CACNB2: variants seen among roughly 807,000 people sequenced by gnomAD.
CACNB2 encodes the protein voltage-dependent L-type calcium channel subunit beta-2.
In CACNB2, 42 loss-of-function variants were observed where a neutral mutation model predicts 73.3. That is an observed-to-expected ratio of 0.57 (90% CI 0.45 to 0.74). The LOEUF (loss-of-function observed/expected upper bound fraction) is 0.74, where lower values mean the gene tolerates loss of function less well. Among genes scored for constraint, CACNB2 ranks in the 30% least tolerant of loss-of-function variants. The pLI, the probability that CACNB2 is intolerant of heterozygous loss-of-function variation, is 0.00. For missense variants in CACNB2, 940 were observed against 853.0 expected (o/e 1.10, Z -1.27); for synonymous variants, 348 against 310.3 (o/e 1.12, Z -1.28).
chr10:18,414,904 A>G (rs988088344), intron 3 of CACNB2, among the ~76,000 whole-genome samples: 1 of 152,150 alleles, frequency 6.6e-6, no homozygotes, highest in Non-Finnish European at 1.5e-5. Flanking sequence ...GAAGACTTTT[A>G]CGCAGAGCTT....
At chr10:18,267,202 T>G (rs981384788) in intron 2 of CACNB2, among the ~76,000 whole-genome samples, 2 of 152,210 alleles carry the variant, frequency 1.3e-5, no homozygotes, top group Non-Finnish European at 2.9e-5. Context: ...TGCATTTTTT[T>G]TTTATTAATA....
rs770103856 is a variant in CACNB2 at position 18,518,326 on chromosome 10, C to G, written c.805-10C>G. On this transcript the variant is annotated splice_polypyrimidine_tract_variant and intron_variant, in intron 7 of 13. Transcript: ENST00000324631. Reference sequence around the variant, plus strand: ...TGTGAAACGTCTAAAAGCCTCTCCTCTCTCTGCAGACAGAGCACACTCCTC... The same window carrying G: ...TGTGAAACGTCTAAAAGCCTCTCCTGTCTCTGCAGACAGAGCACACTCCTC... 6.2e-6 allele frequency: 10 copies of G among 1,601,888 alleles called. No individual in the cohort carries two copies. The East Asian group carries it at 1.3e-4, about 21-fold the overall frequency.
chr10:18,532,676 C>CAAAAAAAAAAAAAAAAAAAA (rs1219587375), intron 10 of CACNB2, among the ~76,000 whole-genome samples: 5 of 92,564 alleles, frequency 5.4e-5, no homozygotes, highest in Admixed American at 1.3e-4. Context: ...GACTCTGTCT[C>CAAAAAAAAAAAAAAAAAAAA]AAAAAAAAAA....
chr10:18,246,768 T>A (rs1406572065), intron 2 of CACNB2, among the ~76,000 whole-genome samples: 1 of 152,052 alleles, frequency 6.6e-6, no homozygotes. Context: ...TTTTTAGTTT[T>A]GTTTTTTGTT....
chr10:18,372,062 C>A (rs2132298802), intron 2 of CACNB2, among the ~76,000 whole-genome samples: 1 of 152,130 alleles, frequency 6.6e-6, no homozygotes, highest in Admixed American at 6.5e-5. Context: ...TTGTTTTTTT[C>A]TTGTAAATTT....
chr10:18,397,866 A>C (rs534885709), intron 2 of CACNB2, among the ~76,000 whole-genome samples: 1 of 152,348 alleles, frequency 6.6e-6, no homozygotes, highest in Admixed American at 6.5e-5. Flanking sequence ...TCCTGGGAGG[A>C]ACTATTAGTA....
intron 2 of CACNB2, among the ~76,000 whole-genome samples, chr10:18,224,791 C>T (rs566128282): frequency 6.6e-6 from 1 of 152,178 alleles, no homozygotes; most frequent in African/African-American, 2.4e-5. Context: ...CCTGCCGAGC[C>T]AAATCGAAGT....
At chr10:18,384,005 C>T (rs968942681) in intron 2 of CACNB2, among the ~76,000 whole-genome samples, 19 of 152,312 alleles carry the variant, frequency 1.2e-4, no homozygotes, top group African/African-American at 4.1e-4. Flanking sequence ...CACGCCCAGC[C>T]ATAGAATGCT....
At chr10:18,493,733 A>G (rs2049604909) in intron 3 of CACNB2, among the ~76,000 whole-genome samples, 1 of 152,112 alleles carries the variant, frequency 6.6e-6, no homozygotes, top group East Asian at 1.9e-4. Context: ...GGTCCACTTA[A>G]AATCCCTTGT....
chr10:18,204,976 G>GAA lies in CACNB2; in HGVS notation c.213+54017_213+54018dup, dbSNP rs80197923. 2.2e-3 allele frequency among the ~76,000 whole-genome samples: 278 copies of GAA among 126,076 alleles called. 3 individuals are homozygous for GAA. Among genetic ancestry groups the GAA allele is most frequent in the South Asian group, 0.013 (50 of 3,978 alleles). 82.7% of individuals were successfully genotyped at this position (126,076 alleles called of 152,430 possible). On this transcript the variant is annotated intron_variant, in intron 2 of 13. Transcript: ENST00000324631. ...TTGCTGGATTCCTTAAACTTTACCA[G>GAA]AAAAAAAAAAAAAAAAAGGTCTGGC...
At chr10:18,442,286 ATTACAG>A (rs922967290) in intron 3 of CACNB2, among the ~76,000 whole-genome samples, 3 of 151,986 alleles carry the variant, frequency 2.0e-5, no homozygotes, top group Admixed American at 6.5e-5. Context: ...GGTACCTGGG[ATTACAG>A]GTGCCTGCAA....
chr10:18,249,319 A>T (rs749955278), intron 2 of CACNB2, among the ~76,000 whole-genome samples: 3 of 152,162 alleles, frequency 2.0e-5, no homozygotes, highest in Admixed American at 6.5e-5. Flanking sequence ...CTTTGCTCCT[A>T]CAATTATCTG....
intron 2 of CACNB2, among the ~76,000 whole-genome samples, chr10:18,251,032 T>A (rs1400268288): frequency 6.6e-6 from 1 of 152,232 alleles, no homozygotes; most frequent in East Asian, 1.9e-4. Flanking sequence ...TATGCATCTG[T>A]GTTGAGTAGT....
chr10:18,316,142 T>A (rs1223555262), intron 2 of CACNB2, among the ~76,000 whole-genome samples: 1 of 151,920 alleles, frequency 6.6e-6, no homozygotes, highest in African/African-American at 2.4e-5. Context: ...GTGTGTGTAA[T>A]TTACATTTAC....
At chr10:18,434,456 A>C (rs1356970964) in intron 3 of CACNB2, among the ~76,000 whole-genome samples, 1 of 152,248 alleles carries the variant, frequency 6.6e-6, no homozygotes, top group Non-Finnish European at 1.5e-5. Flanking sequence ...TGATAATTGC[A>C]GCTACCTAAG....
chr10:18,235,645 T>C (rs2036412594), intron 2 of CACNB2, among the ~76,000 whole-genome samples: 2 of 152,326 alleles, frequency 1.3e-5, no homozygotes, highest in Admixed American at 6.5e-5. Context: ...CTGCTGCTGC[T>C]CTCTGTCTGC....
intron 3 of CACNB2, among the ~76,000 whole-genome samples, chr10:18,476,861 A>G (rs2048466310): frequency 6.6e-6 from 1 of 152,142 alleles, no homozygotes; most frequent in South Asian, 2.1e-4. Context: ...AAAAATATTT[A>G]TTTAAAAAAC....
chr10:18,311,280 G>A (rs2039954307), intron 2 of CACNB2, among the ~76,000 whole-genome samples: 1 of 152,166 alleles, frequency 6.6e-6, no homozygotes, highest in Non-Finnish European at 1.5e-5. Flanking sequence ...ATTATAGGCA[G>A]GTGGCATGGG....
At chr10:18,324,740 C>T (rs1489361237) in intron 2 of CACNB2, among the ~76,000 whole-genome samples, 4 of 152,150 alleles carry the variant, frequency 2.6e-5, no homozygotes, top group Non-Finnish European at 4.4e-5. Flanking sequence ...TCTGTATTCC[C>T]ATCTACTCAG....
Sources: gnomAD v4.1 joint callset for allele counts (sites outside exome capture counted in the v4.1 genomes callset) on GRCh38, gnomAD v4.1.1 for gene constraint, MANE v1.5 for transcripts, NCBI Gene and HGNC (gene_info 2026-07-23, HGNC 2026-07-21) for gene names.